Variants in CIMIP6 observed in about 807,000 individuals in gnomAD.
The protein encoded by CIMIP6 is ciliary microtubule inner protein 6.
chr2:54,369,877 A>G, the CIMIP6 span, among the ~76,000 whole-genome samples: 1 of 152,314 alleles, frequency 6.6e-6, no homozygotes, highest in African/African-American at 2.4e-5. Flanking sequence ...TGCTTCTAAC[A>G]TTATTGCTGG....
At chr2:54,336,995 A>G in the CIMIP6 span, among the ~76,000 whole-genome samples, 5 of 152,216 alleles carry the variant, frequency 3.3e-5, no homozygotes, top group African/African-American at 1.2e-4. Context: ...TGAGCCAGGC[A>G]AGTGTTCAAC....
At chr2:54,369,112 G>A in the CIMIP6 span, among the ~76,000 whole-genome samples, 13 of 151,922 alleles carry the variant, frequency 8.6e-5, no homozygotes, top group African/African-American at 3.1e-4. Context: ...CATCACACTG[G>A]GTCACAGGAC....
chr2:54,370,750 C>CGGTG, the CIMIP6 span, among the ~76,000 whole-genome samples: 1 of 152,178 alleles, frequency 6.6e-6, no homozygotes, highest in African/African-American at 2.4e-5. Context: ...TGGGCTGTGA[C>CGGTG]CCACCAAGGC....
At chr2:54,383,720 A>G in the CIMIP6 span, 2 of 151,822 alleles carry the variant, frequency 1.3e-5, no homozygotes, top group African/African-American at 2.4e-5. Flanking sequence ...AAAAAACTAC[A>G]TTGCCATGGT....
At chr2:54,355,306 G>T in the CIMIP6 span, among the ~76,000 whole-genome samples, 1 of 151,956 alleles carries the variant, frequency 6.6e-6, no homozygotes, top group Non-Finnish European at 1.5e-5. Flanking sequence ...TCTTAGATGC[G>T]AGTTTTTCCT....
the CIMIP6 span, among the ~76,000 whole-genome samples, chr2:54,359,761 G>A: frequency 6.6e-6 from 1 of 152,134 alleles, no homozygotes; most frequent in African/African-American, 2.4e-5. Flanking sequence ...AACTATAGAT[G>A]TTTGCTTTCA....
chr2:54,347,826 G>C, the CIMIP6 span, among the ~76,000 whole-genome samples: 12 of 152,166 alleles, frequency 7.9e-5, no homozygotes, highest in Non-Finnish European at 1.6e-4. Context: ...CGATTCCCAG[G>C]CACTCCTGGA....
the CIMIP6 span, chr2:54,360,604 G>A: frequency 1.4e-6 from 2 of 1,436,606 alleles, no homozygotes; most frequent in South Asian, 3.1e-5. Flanking sequence ...GGAATATAGG[G>A]AAATTTCACA....
the CIMIP6 span, among the ~76,000 whole-genome samples, chr2:54,352,363 T>C: frequency 2.0e-5 from 3 of 152,154 alleles, no homozygotes; most frequent in Non-Finnish European, 4.4e-5. Flanking sequence ...ATAAGAAAAA[T>C]TGTCTGATAT....
At chr2:54,380,933 G>A in the CIMIP6 span, among the ~76,000 whole-genome samples, 11 of 152,252 alleles carry the variant, frequency 7.2e-5, no homozygotes, top group Admixed American at 4.6e-4. Flanking sequence ...CCTTGACTAC[G>A]GGTTAAGAAT....
the CIMIP6 span, among the ~76,000 whole-genome samples, chr2:54,370,576 AAC>A: frequency 6.6e-6 from 1 of 152,338 alleles, no homozygotes; most frequent in African/African-American, 2.4e-5. Context: ...AATAACTTCA[AAC>A]ACACAAATCT....
chr2:54,334,250 AAC>A, the CIMIP6 span, among the ~76,000 whole-genome samples: 92 of 152,304 alleles, frequency 6.0e-4, no homozygotes, highest in South Asian at 0.018. Flanking sequence ...TCGTATTTGT[AAC>A]AGAGTGCTTA....
the CIMIP6 span, among the ~76,000 whole-genome samples, chr2:54,351,535 A>C: frequency 6.6e-6 from 1 of 152,228 alleles, no homozygotes; most frequent in South Asian, 2.1e-4. Context: ...CAAAAAAACC[A>C]AATACCACTT....
At chr2:54,335,127 T>A in the CIMIP6 span, 2 of 867,754 alleles carry the variant, frequency 2.3e-6, no homozygotes, top group Non-Finnish European at 3.5e-6. Flanking sequence ...CATCTCAGAG[T>A]AGTACTTATC....
the CIMIP6 span, among the ~76,000 whole-genome samples, chr2:54,356,950 G>T: frequency 1.3e-5 from 2 of 152,088 alleles, no homozygotes; most frequent in African/African-American, 4.8e-5. Flanking sequence ...TGTTCTGTGA[G>T]TTGGACCATG....
At chr2:54,359,254 G>A in the CIMIP6 span, among the ~76,000 whole-genome samples, 1 of 152,070 alleles carries the variant, frequency 6.6e-6, no homozygotes, top group Admixed American at 6.6e-5. Context: ...TCCTGGTATG[G>A]TGGTGCCACC....
At chr2:54,360,062 C>A in the CIMIP6 span, 2 of 999,248 alleles carry the variant, frequency 2.0e-6, no homozygotes, top group Non-Finnish European at 1.4e-6. Context: ...TAGTTTGGGA[C>A]TGAGGTGACA....
the CIMIP6 span, chr2:54,360,223 G>C: frequency 6.3e-7 from 1 of 1,596,942 alleles, no homozygotes; most frequent in Non-Finnish European, 8.5e-7. Context: ...CTTTTGTACA[G>C]AGAGAGATAA....
the CIMIP6 span, among the ~76,000 whole-genome samples, chr2:54,377,192 C>T: frequency 6.6e-6 from 1 of 152,154 alleles, no homozygotes; most frequent in Admixed American, 6.5e-5. Flanking sequence ...ACCCACGCTC[C>T]CTGAAAAACA....
Sources: gnomAD v4.1 joint callset for allele counts (sites outside exome capture counted in the v4.1 genomes callset) on GRCh38, gnomAD v4.1.1 for gene constraint, MANE v1.5 for transcripts, NCBI Gene and HGNC (gene_info 2026-07-23, HGNC 2026-07-21) for gene names.